Variants in FOXP1 observed in about 807,000 individuals in gnomAD.
FOXP1 encodes forkhead box P1, also known as forkhead box protein P1.
FOXP1 carries 15 observed loss-of-function variants against 98.2 expected under a neutral mutation model. The ratio of observed to expected loss-of-function variants is 0.15; its 90% CI spans 0.10 to 0.24. The LOEUF (loss-of-function observed/expected upper bound fraction) is 0.24, where lower values mean the gene tolerates loss of function less well. Among genes scored for constraint, FOXP1 ranks in the 10% least tolerant of loss-of-function variants. The pLI, the probability that FOXP1 is intolerant of heterozygous loss-of-function variation, is 1.00. For missense variants in FOXP1, 633 were observed against 848.5 expected (o/e 0.75, Z 3.15); for synonymous variants, 371 against 314.5 (o/e 1.18, Z -1.90).
chr3:71,119,340 G>A (rs1337701947), intron 6 of FOXP1, among the ~76,000 whole-genome samples: 8 of 152,148 alleles, frequency 5.3e-5, no homozygotes, highest in Admixed American at 5.2e-4. Flanking sequence ...TGTCTGCCCT[G>A]AGAAGTTGTC....
intron 3 of FOXP1, among the ~76,000 whole-genome samples, chr3:71,391,532 C>T (rs934886279): frequency 1.3e-5 from 2 of 152,206 alleles, no homozygotes; most frequent in African/African-American, 4.8e-5. Context: ...ACACACACTT[C>T]GGTCTTTCGC....
Position 70,979,301 on chromosome 3 carries a change from A to AAAAAAG in FOXP1, c.1147-1273_1147-1272insCTTTTT, listed in dbSNP as rs2038312738. Among the ~76,000 whole-genome samples the AAAAAAG allele has an allele frequency of 4.2e-5, 6 of 141,330 alleles. 1 individual carries two copies. Among genetic ancestry groups the AAAAAAG allele is most frequent in the Non-Finnish European group, 7.9e-5 (5 of 63,254 alleles). The allele number at this position is 141,330 out of a possible 152,430, so 92.7% of individuals were successfully genotyped here. ...CCTCAAAAAAAAAAAAAAAAAAAAA[A>AAAAAAG]AAAAAAAAAAAAAAAAAAAGAAAAA... On this transcript the variant is annotated intron_variant, in intron 14 of 20. Coordinates refer to ENST00000649528, the MANE Select transcript of FOXP1 (RefSeq NM_001349338.3).
chr3:71,332,936 A>G (rs2076430695), intron 4 of FOXP1: 1 of 152,230 alleles, frequency 6.6e-6, no homozygotes, highest in Admixed American at 6.5e-5. Flanking sequence ...AATGGACAGT[A>G]TGGTGAGCCA....
intron 20 of FOXP1, 58 bp downstream of exon 20, chr3:70,965,832 G>A (rs1486078987): frequency 9.1e-6 from 14 of 1,540,754 alleles, no homozygotes; most frequent in Non-Finnish European, 1.2e-5. Flanking sequence ...GTCTCCCTGC[G>A]TGTACCTAGG....
chr3:71,185,113 A>T (rs2062567721), intron 6 of FOXP1, among the ~76,000 whole-genome samples: 1 of 152,146 alleles, frequency 6.6e-6, no homozygotes, highest in Non-Finnish European at 1.5e-5. Flanking sequence ...GAATTGCTTG[A>T]ACACGGGAGG....
At chr3:71,277,033 A>G (rs1267889213) in intron 5 of FOXP1, among the ~76,000 whole-genome samples, 1 of 144,872 alleles carries the variant, frequency 6.9e-6, no homozygotes, top group East Asian at 2.0e-4. Context: ...ATCTCGGCTC[A>G]CTGCAAGCTT....
At chr3:71,345,395 TATACACAC>T (rs762438794) in intron 4 of FOXP1, among the ~76,000 whole-genome samples, 161 of 50,376 alleles carry the variant, frequency 3.2e-3, no homozygotes, top group East Asian at 9.8e-3. Flanking sequence ...CTCAAATATA[TATACACAC>T]ACACACACAC....
intron 4 of FOXP1, among the ~76,000 whole-genome samples, chr3:71,326,755 G>A (rs774652553): frequency 1.8e-4 from 27 of 152,168 alleles, no homozygotes; most frequent in Non-Finnish European, 3.2e-4. Context: ...ATCCCACCAG[G>A]AGTTGGGGAA....
intron 2 of FOXP1, among the ~76,000 whole-genome samples, chr3:71,497,586 C>T (rs1388639233): frequency 6.6e-6 from 1 of 152,182 alleles, no homozygotes; most frequent in Admixed American, 6.5e-5. Context: ...CAAGTTCCCA[C>T]CCTCCATAGT....
intron 3 of FOXP1, among the ~76,000 whole-genome samples, chr3:71,384,349 T>C (rs531711899): frequency 1.6e-4 from 24 of 152,202 alleles, no homozygotes; most frequent in African/African-American, 5.3e-4. Context: ...TGGAAGGAAA[T>C]TGTGGAAAGA....
intron 3 of FOXP1, among the ~76,000 whole-genome samples, chr3:71,488,089 C>T (rs1441356570): frequency 6.6e-6 from 1 of 152,026 alleles, no homozygotes; most frequent in African/African-American, 2.4e-5. Flanking sequence ...AGGGACCTAA[C>T]CAGAGAAGAA....
intron 9 of FOXP1, among the ~76,000 whole-genome samples, chr3:71,049,786 C>T (rs892263153): frequency 2.0e-5 from 3 of 152,056 alleles, no homozygotes; most frequent in Admixed American, 6.5e-5. Context: ...AAAATGCTAC[C>T]GTGTGACTCC....
intron 4 of FOXP1, among the ~76,000 whole-genome samples, chr3:71,346,332 C>T (rs909113490): frequency 2.0e-5 from 3 of 152,232 alleles, no homozygotes; most frequent in Non-Finnish European, 2.9e-5. Context: ...AAGACCCAAG[C>T]GCCAAAGTTT....
chr3:71,162,632 G>C (rs1051835172), intron 6 of FOXP1, among the ~76,000 whole-genome samples: 9 of 152,218 alleles, frequency 5.9e-5, no homozygotes, highest in African/African-American at 2.2e-4. Flanking sequence ...AAGTCAAACT[G>C]ATAGAGACAG....
In FOXP1 at chr3:71,583,660, A is replaced by G. The variant is rs1473425848; in HGVS notation, c.-536T>C. ...TCCCGCCCGCGCGCGCACCCCGCGC[A>G]CACACTCACTCGCGCACACACGCGC... On this transcript the variant is annotated 5_prime_UTR_variant, in exon 1 of 21. Transcript: ENST00000649528. The G allele has an allele frequency of 1.0e-6, 1 of 983,938 alleles. No individual in the cohort carries two copies. The highest frequency in any genetic ancestry group is 1.2e-6 in the Non-Finnish European group (1 of 829,542). The allele number at this position is 983,938 out of a possible 1,614,324, so 61.0% of individuals were successfully genotyped here. A position where few individuals can be genotyped will look rare whatever the true frequency, so the allele number is the denominator to read the frequency against.
intron 4 of FOXP1, among the ~76,000 whole-genome samples, chr3:71,355,722 C>G (rs892488020): frequency 1.3e-5 from 2 of 152,160 alleles, no homozygotes; most frequent in African/African-American, 4.8e-5. Flanking sequence ...CTGATAAGTA[C>G]TACTATAGGC....
chr3:71,579,605 A>AT (rs886661258), intron 2 of FOXP1, among the ~76,000 whole-genome samples: 17 of 134,720 alleles, frequency 1.3e-4, no homozygotes, highest in South Asian at 4.7e-4. Context: ...ATCACCAGAG[A>AT]TTTTTTTTTT....
At chr3:71,217,415 A>G (rs905702862) in intron 5 of FOXP1, among the ~76,000 whole-genome samples, 1 of 152,114 alleles carries the variant, frequency 6.6e-6, no homozygotes, top group African/African-American at 2.4e-5. Flanking sequence ...CAAAGCAATG[A>G]GTTCTACTTC....
At chr3:71,433,794 G>C (rs746544995) in intron 3 of FOXP1, among the ~76,000 whole-genome samples, 2 of 152,126 alleles carry the variant, frequency 1.3e-5, no homozygotes, top group Non-Finnish European at 2.9e-5. Flanking sequence ...TGGTTACCTG[G>C]ATGAATGTGA....
Sources: gnomAD v4.1 joint callset for allele counts (sites outside exome capture counted in the v4.1 genomes callset) on GRCh38, gnomAD v4.1.1 for gene constraint, MANE v1.5 for transcripts, NCBI Gene and HGNC (gene_info 2026-07-23, HGNC 2026-07-21) for gene names.